Variants in GPC5 observed in about 807,000 individuals in gnomAD.
GPC5 encodes glypican-5.
In GPC5, 47 loss-of-function variants were observed where a neutral mutation model predicts 53.9. The observed-to-expected ratio is 0.87, with a 90% confidence interval of 0.69 to 1.11. The LOEUF is 1.11. Ranked by LOEUF, GPC5 falls within the 50% of genes most tolerant of loss-of-function variation. GPC5 has a pLI of 0.00. For missense variants in GPC5, 748 were observed against 713.1 expected (o/e 1.05, Z -0.56); for synonymous variants, 286 against 263.3 (o/e 1.09, Z -0.84).
Position 91,545,528 on chromosome 13 carries a change from T to A in GPC5, c.325+96606T>A, listed in dbSNP as rs565703856. ...TTTCATAAATTTTTTTCATTACTATTATAAAAAATTATTGTGGTGAGAACA... is the reference window on the plus strand; with the variant it reads ...TTTCATAAATTTTTTTCATTACTATAATAAAAAATTATTGTGGTGAGAACA... On this transcript the variant is annotated intron_variant, in intron 2 of 7. Transcript: ENST00000377067. Among the ~76,000 whole-genome samples the A allele has an allele frequency of 1.4e-3, 214 of 152,210 alleles. 2 individuals carry two copies. The highest frequency in any genetic ancestry group is 5.1e-3 in the African/African-American group (211 of 41,498).
intron 7 of GPC5, among the ~76,000 whole-genome samples, chr13:92,364,141 G>A (rs552126841): frequency 6.6e-6 from 1 of 151,822 alleles, no homozygotes; most frequent in Admixed American, 6.5e-5. Flanking sequence ...GGAATTCAGA[G>A]GAATGCATGG....
intron 6 of GPC5, among the ~76,000 whole-genome samples, chr13:92,107,820 A>C (rs2041521815): frequency 6.6e-6 from 1 of 152,166 alleles, no homozygotes; most frequent in Non-Finnish European, 1.5e-5. Context: ...CTACCTCATT[A>C]CTAGAAATGC....
chr13:91,442,136 G>T (rs1252444356), intron 1 of GPC5, among the ~76,000 whole-genome samples: 1 of 152,082 alleles, frequency 6.6e-6, no homozygotes, highest in Non-Finnish European at 1.5e-5. Flanking sequence ...CAAATGTATG[G>T]CTTAATAAGT....
chr13:92,395,300 G>A lies in GPC5; in HGVS notation c.1561+250311G>A, dbSNP rs150073276. Among the ~76,000 whole-genome samples the A allele has an allele frequency of 7.5e-3, 1,142 of 151,878 alleles. 8 individuals are homozygous for A. The highest frequency in any genetic ancestry group is 0.045 in the Middle Eastern group (13 of 292). ...TTTTTACGGTTGTCCTAGACTTTCC[G>A]ATATAAATGTTCAACTAATTTAACT... On this transcript the variant is annotated intron_variant, in intron 7 of 7. Transcript: ENST00000377067.
intron 5 of GPC5, among the ~76,000 whole-genome samples, chr13:91,806,432 A>G (rs2038223169): frequency 9.2e-6 from 1 of 108,700 alleles, no homozygotes; most frequent in Non-Finnish European, 2.0e-5. Flanking sequence ...TAATTAATTT[A>G]ATTTCTTTTT....
At chr13:92,752,854 C>CGCTGATTGCTA (rs1477648146) in intron 7 of GPC5, among the ~76,000 whole-genome samples, 3 of 152,110 alleles carry the variant, frequency 2.0e-5, no homozygotes, top group Non-Finnish European at 4.4e-5. Flanking sequence ...CAGGGAGTCT[C>CGCTGATTGCTA]GCTGATTGCT....
intron 5 of GPC5, among the ~76,000 whole-genome samples, chr13:91,897,908 T>C (rs551302247): frequency 1.3e-5 from 2 of 152,256 alleles, no homozygotes; most frequent in South Asian, 4.1e-4. Context: ...CTCAACACTT[T>C]AACTGTGAGC....
chr13:91,602,265 C>T (rs2033205298), intron 2 of GPC5, among the ~76,000 whole-genome samples: 1 of 152,156 alleles, frequency 6.6e-6, no homozygotes, highest in Non-Finnish European at 1.5e-5. Flanking sequence ...TATAGCAGTC[C>T]TTTTAGATAA....
At chr13:92,417,445 C>A (rs186624893) in intron 7 of GPC5, among the ~76,000 whole-genome samples, 82 of 152,256 alleles carry the variant, frequency 5.4e-4, no homozygotes, top group Non-Finnish European at 1.0e-3. Context: ...TCTTGTAGTT[C>A]CTCAAAACAT....
chr13:92,859,012 G>A (rs1412454213), intron 7 of GPC5, among the ~76,000 whole-genome samples: 1 of 152,136 alleles, frequency 6.6e-6, no homozygotes, highest in African/African-American at 2.4e-5. Context: ...AACCAAGGCA[G>A]GGGTATCACT....
chr13:92,685,561 T>TTTTTTTTTTAA (rs1555302927), intron 7 of GPC5, among the ~76,000 whole-genome samples: 28 of 100,876 alleles, frequency 2.8e-4, no homozygotes, highest in African/African-American at 4.9e-4. Context: ...TTTTTTTTAA[T>TTTTTTTTTTAA]TTTTTTTTTT....
At chr13:92,002,194 C>T (rs1221468113) in intron 6 of GPC5, among the ~76,000 whole-genome samples, 1 of 151,768 alleles carries the variant, frequency 6.6e-6, no homozygotes, top group Non-Finnish European at 1.5e-5. Flanking sequence ...CTACATATAC[C>T]TAAGGACACA....
chr13:91,770,102 C>T (rs367876102), intron 5 of GPC5, among the ~76,000 whole-genome samples: 7 of 152,100 alleles, frequency 4.6e-5, no homozygotes, highest in African/African-American at 1.4e-4. Flanking sequence ...GCTCACAGGA[C>T]TCAGAGAAAC....
At chr13:92,154,353 A>C (rs1278014964) in intron 7 of GPC5, among the ~76,000 whole-genome samples, 1 of 152,040 alleles carries the variant, frequency 6.6e-6, no homozygotes. Context: ...ACCCCTTTCT[A>C]TCAGGTTATT....
At chr13:91,423,796 A>G (rs1181890248) in intron 1 of GPC5, among the ~76,000 whole-genome samples, 1 of 152,260 alleles carries the variant, frequency 6.6e-6, no homozygotes, top group Non-Finnish European at 1.5e-5. Context: ...TAATTATTCC[A>G]CAATGTATAC....
chr13:92,375,188 G>C (rs994660085), intron 7 of GPC5, among the ~76,000 whole-genome samples: 1 of 152,166 alleles, frequency 6.6e-6, no homozygotes, highest in Non-Finnish European at 1.5e-5. Context: ...TTGGCTAAGG[G>C]AGCATCTTTG....
chr13:91,671,780 C>CAAAAAAAAAAAAAAATAAAAA (rs2035250322), intron 2 of GPC5, among the ~76,000 whole-genome samples: 1 of 33,124 alleles, frequency 3.0e-5, no homozygotes, highest in Non-Finnish European at 5.8e-5. Context: ...CAATCTGAAG[C>CAAAAAAAAAAAAAAATAAAAA]AAAAAAAAAA....
chr13:91,941,247 C>G (rs112274876), intron 6 of GPC5, among the ~76,000 whole-genome samples: 2 of 151,852 alleles, frequency 1.3e-5, no homozygotes, highest in Admixed American at 1.3e-4. Context: ...TTTTGGTTAC[C>G]GTAGCCTTAT....
chr13:92,837,389 T>C (rs1191368705), intron 7 of GPC5, among the ~76,000 whole-genome samples: 1 of 152,102 alleles, frequency 6.6e-6, no homozygotes, highest in Non-Finnish European at 1.5e-5. Flanking sequence ...AGACAGTAAC[T>C]GGAGAGGCGA....
Sources: gnomAD v4.1 joint callset for allele counts (sites outside exome capture counted in the v4.1 genomes callset) on GRCh38, gnomAD v4.1.1 for gene constraint, MANE v1.5 for transcripts, NCBI Gene and HGNC (gene_info 2026-07-23, HGNC 2026-07-21) for gene names.